The following TTC23 variants were observed in gnomAD, a reference collection of about 807,000 sequenced individuals.
TTC23 encodes tetratricopeptide repeat protein 23.
Under a neutral mutation model 55.1 loss-of-function variants are expected in TTC23, and 58 were observed. That is an observed-to-expected ratio of 1.05 (90% CI 0.85 to 1.31). The LOEUF (loss-of-function observed/expected upper bound fraction) is 1.31, where lower values mean the gene tolerates loss of function less well. TTC23 is among the 50% of genes most tolerant of loss of function. TTC23 has a pLI of 0.00. For synonymous variants in TTC23, 203 were observed against 199.9 expected (o/e 1.02, Z -0.13); for missense variants, 516 against 534.4 (o/e 0.97, Z 0.34).
At chr15:99,217,356 A>G (rs537839852) in intron 8 of TTC23, among the ~76,000 whole-genome samples, 2 of 152,102 alleles carry the variant, frequency 1.3e-5, no homozygotes, top group African/African-American at 4.8e-5. Context: ...ATGGGGTTTC[A>G]CCATGTTTGT....
chr15:99,172,171 C>T (rs2073036113), intron 10 of TTC23, among the ~76,000 whole-genome samples: 1 of 152,042 alleles, frequency 6.6e-6, no homozygotes, highest in Non-Finnish European at 1.5e-5. Flanking sequence ...GCGCGCACCA[C>T]CACACCTGGC....
intron 12 of TTC23, chr15:99,151,487 G>C (rs1368363482): frequency 6.6e-6 from 1 of 152,338 alleles, no homozygotes; most frequent in Admixed American, 6.5e-5. Context: ...AGATGAGGAA[G>C]ATGTGCAGAG....
chr15:99,237,741 G>C (rs1304721054), intron 3 of TTC23, among the ~76,000 whole-genome samples: 3 of 152,066 alleles, frequency 2.0e-5, no homozygotes, highest in Non-Finnish European at 4.4e-5. Flanking sequence ...TGTGGTGGTG[G>C]ATATGCTCAT....
chr15:99,232,644 AG>A (rs2079023683), intron 4 of TTC23, among the ~76,000 whole-genome samples: 1 of 152,236 alleles, frequency 6.6e-6, no homozygotes, highest in Non-Finnish European at 1.5e-5. Flanking sequence ...GATTAAAAAA[AG>A]AAAGATACAT....
intron 2 of TTC23, among the ~76,000 whole-genome samples, chr15:99,245,182 C>T (rs2080131465): frequency 6.6e-6 from 1 of 151,952 alleles, no homozygotes; most frequent in East Asian, 1.9e-4. Flanking sequence ...GGGGAAAAGC[C>T]CTCCCCAAAA....
chr15:99,139,509 T>C (rs1555489128), intron 12 of TTC23, 110 bp from the exon 13 acceptor site: 2 of 1,560,582 alleles, frequency 1.3e-6, no homozygotes, highest in Middle Eastern at 3.3e-4. Flanking sequence ...GGCCCTGCTG[T>C]GATGGAATTA....
At chr15:99,161,966 A>C in intron 10 of TTC23, 99 bp from the exon 11 acceptor site, 2 of 1,309,668 alleles carry the variant, frequency 1.5e-6, no homozygotes, top group African/African-American at 1.5e-5. Flanking sequence ...ATTTGGAAAG[A>C]GGTATTGGGA....
intron 10 of TTC23, among the ~76,000 whole-genome samples, chr15:99,172,499 G>A (rs1268166978): frequency 6.6e-6 from 1 of 152,166 alleles, no homozygotes; most frequent in African/African-American, 2.4e-5. Context: ...TAAGGTGGGA[G>A]GAGACATGTG....
chr15:99,229,105 GA>G (rs1247387983), intron 4 of TTC23, among the ~76,000 whole-genome samples: 2 of 146,188 alleles, frequency 1.4e-5, no homozygotes, highest in Non-Finnish European at 3.0e-5. Context: ...AAGTCCAGTA[GA>G]AATTAGCCTA....
At position 99,218,602 on chromosome 15, in the gene TTC23, T is replaced by C; in HGVS notation, c.567A>G (p.Arg189=). The stretch of plus-strand genomic sequence containing the variant: ...TTGAAACTTACTGTGCAAATGATAA[T>C]CTGATCCGTGCTTCAATTTCTATCC... ...EEWIEIEARI[R]LSFAQVYQGQ... Residue 189 remains arginine, a synonymous_variant, in exon 8 of 14, where the codon AGA becomes AGG. Coordinates refer to ENST00000394132, the MANE Select transcript of TTC23 (RefSeq NM_001288615.3). The C allele has an allele frequency of 1.2e-6, 2 of 1,614,230 alleles. No individual in the cohort carries two copies. Among genetic ancestry groups the C allele is most frequent in the Non-Finnish European group, 1.7e-6 (2 of 1,180,036 alleles).
At chr15:99,247,998 A>G (rs1050517041) in intron 1 of TTC23, among the ~76,000 whole-genome samples, 2 of 152,228 alleles carry the variant, frequency 1.3e-5, no homozygotes, top group African/African-American at 2.4e-5. Flanking sequence ...TCTGGTTTTT[A>G]TACATATTAT....
intron 9 of TTC23, among the ~76,000 whole-genome samples, chr15:99,188,745 A>C (rs1596504879): frequency 2.0e-5 from 3 of 152,242 alleles, no homozygotes; most frequent in Non-Finnish European, 4.4e-5. Flanking sequence ...AATGCAAATT[A>C]AAACTATCCT....
chr15:99,248,763 T>A (rs2080479687), intron 1 of TTC23, among the ~76,000 whole-genome samples: 1 of 152,248 alleles, frequency 6.6e-6, no homozygotes, highest in African/African-American at 2.4e-5. Context: ...GAAATAGTCA[T>A]GTTCATCAAC....
chr15:99,142,647 G>A (rs260116), intron 12 of TTC23, among the ~76,000 whole-genome samples: 22,190 of 152,220 alleles, frequency 0.15, 1,660 homozygotes, highest in Admixed American at 0.16. Flanking sequence ...GGTGACTGAA[G>A]CTGCTGCTCC....
At chr15:99,226,224 C>A (rs1391586372) in intron 5 of TTC23, among the ~76,000 whole-genome samples, 1 of 152,046 alleles carries the variant, frequency 6.6e-6, no homozygotes, top group East Asian at 1.9e-4. Flanking sequence ...GAAATATAAA[C>A]AAGGTTTACA....
intron 2 of TTC23, among the ~76,000 whole-genome samples, chr15:99,244,296 C>G (rs942943434): frequency 3.9e-5 from 6 of 151,978 alleles, no homozygotes; most frequent in Admixed American, 1.3e-4. Flanking sequence ...GAGCAACAGG[C>G]AAGAACAATA....
chr15:99,218,588 T>G lies in TTC23; in HGVS notation c.581A>C (p.Gln194Pro), dbSNP rs772009385. 9.9e-6 allele frequency: 16 copies of G among 1,614,186 alleles called. No individual in the cohort carries two copies. Among genetic ancestry groups the G allele is most frequent in the Non-Finnish European group, 1.3e-5 (15 of 1,180,016 alleles). Reference sequence around the variant, plus strand: ...GCAAAATCCTAAACTTGAAACTTACTGTGCAAATGATAATCTGATCCGTGC... The same window carrying G: ...GCAAAATCCTAAACTTGAAACTTACGGTGCAAATGATAATCTGATCCGTGC... Reference protein sequence around the residue: ...IEARIRLSFAQVYQGQKKSKE... With the variant: ...IEARIRLSFAPVYQGQKKSKE... The change falls in exon 8 of 14, where the codon CAG becomes CCG. Residue 194 changes from glutamine (Q) to proline (P), a missense_variant and splice_region_variant. Coordinates refer to ENST00000394132, the MANE Select transcript of TTC23 (RefSeq NM_001288615.3).
In TTC23 at chr15:99,187,464, A is replaced by AAAC. The variant is rs199829147; in HGVS notation, c.760-12310_760-12309insGTT. Among the ~76,000 whole-genome samples the AAAC allele has an allele frequency of 1.9e-3, 269 of 145,232 alleles. 15 individuals carry two copies. Among genetic ancestry groups the AAAC allele is most frequent in the African/African-American group, 6.5e-3 (253 of 38,636 alleles). ...CCAAAAGCACAAGCAAAAAAAAAAA[A>AAAC]AAAACAAAACAAAAGAAACCCAACA... On this transcript the variant is annotated intron_variant, in intron 9 of 13. Coordinates refer to ENST00000394132, the MANE Select transcript of TTC23 (RefSeq NM_001288615.3).
chr15:99,182,223 ATCTC>A (rs147417590), intron 9 of TTC23, among the ~76,000 whole-genome samples: 195 of 132,398 alleles, frequency 1.5e-3, no homozygotes, highest in Middle Eastern at 7.5e-3. Flanking sequence ...TGTTCCAGAA[ATCTC>A]TCTCTCTCTC....
Sources: gnomAD v4.1 joint callset for allele counts (sites outside exome capture counted in the v4.1 genomes callset) on GRCh38, gnomAD v4.1.1 for gene constraint, MANE v1.5 for transcripts, NCBI Gene and HGNC (gene_info 2026-07-23, HGNC 2026-07-21) for gene names.